The following STAC variants were observed in gnomAD, a reference collection of about 807,000 sequenced individuals.
STAC encodes SH3 and cysteine rich domain.
STAC carries 43 observed loss-of-function variants against 48.8 expected under a neutral mutation model. The observed-to-expected ratio is 0.88, with a 90% CI of 0.69 to 1.14. The LOEUF (loss-of-function observed/expected upper bound fraction) is 1.14, where lower values mean the gene tolerates loss of function less well. Among genes scored for constraint, STAC ranks in the 50% most tolerant of loss-of-function variants. STAC has a pLI of 0.00. For synonymous variants in STAC, 193 were observed against 179.5 expected (o/e 1.07, Z -0.60); for missense variants, 497 against 504.0 (o/e 0.99, Z 0.13).
At chr3:36,411,936 C>CA (rs1356848866) in intron 1 of STAC, among the ~76,000 whole-genome samples, 1 of 152,046 alleles carries the variant, frequency 6.6e-6, no homozygotes, top group African/African-American at 2.4e-5. Context: ...TTGGATTTAT[C>CA]AAAAATCTAC....
Position 36,444,195 on chromosome 3 carries a change from C to T in STAC, c.388+555C>T, listed in dbSNP as rs17035066. Among the ~76,000 whole-genome samples the T allele has an allele frequency of 9.2e-3, 1,393 of 152,234 alleles. 25 individuals are homozygous for T. The highest frequency in any genetic ancestry group is 0.03 in the African/African-American group (1,265 of 41,528). On this transcript the variant is annotated intron_variant, in intron 2 of 10. Coordinates refer to ENST00000273183, the MANE Select transcript of STAC (RefSeq NM_003149.3). Reference sequence around the variant, plus strand: ...AGGCTTGTTCTTGTTTTCAGAAAACCTTTATGTACTCATGTTCTCATGGTC... The same window carrying T: ...AGGCTTGTTCTTGTTTTCAGAAAACTTTTATGTACTCATGTTCTCATGGTC...
chr3:36,522,431 C>A (rs1239392351), intron 8 of STAC, among the ~76,000 whole-genome samples: 1 of 152,142 alleles, frequency 6.6e-6, no homozygotes, highest in Non-Finnish European at 1.5e-5. Context: ...ATTTAGTCCT[C>A]AAAAAATATT....
At chr3:36,468,052 T>C (rs1174154256) in intron 2 of STAC, among the ~76,000 whole-genome samples, 1 of 152,150 alleles carries the variant, frequency 6.6e-6, no homozygotes, top group Admixed American at 6.5e-5. Context: ...GTGTCACTAT[T>C]GTCATTAAGT....
At chr3:36,427,240 C>T (rs1161477896) in intron 1 of STAC, among the ~76,000 whole-genome samples, 1 of 152,198 alleles carries the variant, frequency 6.6e-6, no homozygotes, top group Non-Finnish European at 1.5e-5. Context: ...ATTGTGACTC[C>T]ATGAAGAACA....
At chr3:36,447,068 C>T (rs1031225425) in intron 2 of STAC, among the ~76,000 whole-genome samples, 6 of 152,112 alleles carry the variant, frequency 3.9e-5, no homozygotes, top group Admixed American at 1.3e-4. Flanking sequence ...GAGAGGCAGG[C>T]TAAGTAGCTA....
chr3:36,505,853 G>GAA lies in STAC; in HGVS notation c.920+26_920+27dup. On this transcript the variant is annotated intron_variant, in intron 8 of 10. Transcript: ENST00000273183. The stretch of plus-strand genomic sequence containing the variant: ...AAATGAGGTAAAAACCTTCTGTAAA[G>GAA]AAAAAAAAGAGTAAAATTTTAAAGT... The GAA allele has an allele frequency of 6.6e-7, 1 of 1,523,436 alleles. No individual in the cohort carries two copies. Among genetic ancestry groups the GAA allele is most frequent in the South Asian group, 1.2e-5 (1 of 83,072 alleles). The allele number at this position is 1,523,436 out of a possible 1,614,324, so 94.4% of individuals were successfully genotyped here. A position where few individuals can be genotyped will look rare whatever the true frequency, so the allele number is the denominator to read the frequency against.
At chr3:36,471,682 T>C (rs1192286863) in intron 2 of STAC, among the ~76,000 whole-genome samples, 1 of 152,174 alleles carries the variant, frequency 6.6e-6, no homozygotes, top group Non-Finnish European at 1.5e-5. Context: ...TCAGTGGGGC[T>C]GTCAAATTTT....
intron 10 of STAC, among the ~76,000 whole-genome samples, chr3:36,538,934 T>C (rs747985956): frequency 3.3e-5 from 5 of 152,192 alleles, no homozygotes; most frequent in Non-Finnish European, 5.9e-5. Flanking sequence ...TGCCTCTTTC[T>C]CCAGGAGCTT....
chr3:36,443,607 A>G lies in STAC; in HGVS notation c.355A>G (p.Thr119Ala). Reference protein sequence around the residue: ...AFQEYIFKKPTFCDVCNHMIV... With the variant: ...AFQEYIFKKPAFCDVCNHMIV... ...TCAGGAATACATCTTCAAGAAGCCC[A>G]CTTTCTGTGATGTCTGCAACCACAT... The change falls in exon 2 of 11, where the codon ACT (threonine) becomes GCT (alanine). Residue 119 changes from threonine to alanine, a missense_variant. By Grantham distance (58) the Thr-to-Ala change is moderately conservative. Transcript: ENST00000273183. This position sits in a 1 kb window ranked among gnomAD's most constrained non-coding sequence, Gnocchi z 4.2. 6.2e-7 allele frequency: 1 copy of G among 1,613,566 alleles called. No homozygotes were observed. The highest frequency in any genetic ancestry group is 1.1e-5 in the South Asian group (1 of 91,082).
rs1054370291 is a variant in STAC at position 36,461,633 on chromosome 3, G to A, written c.388+17993G>A. 3.9e-5 allele frequency among the ~76,000 whole-genome samples: 6 copies of A among 152,146 alleles called. No homozygotes were observed. In the East Asian group the frequency reaches 5.8e-4, roughly 15 times the overall value. ...AAGAGAAAGAAGTGCAGAGGCAGGG[G>A]GCAGGTTGCAGTATCACATGAGGTG... On this transcript the variant is annotated intron_variant, in intron 2 of 10. Coordinates refer to ENST00000273183, the MANE Select transcript of STAC (RefSeq NM_003149.3).
intron 8 of STAC, among the ~76,000 whole-genome samples, chr3:36,526,154 G>A (rs183673791): frequency 1.3e-5 from 2 of 152,120 alleles, no homozygotes; most frequent in African/African-American, 4.8e-5. Context: ...CTATAGAAGG[G>A]GGAGCACATT....
At chr3:36,420,885 T>A (rs543823076) in intron 1 of STAC, among the ~76,000 whole-genome samples, 1 of 152,370 alleles carries the variant, frequency 6.6e-6, no homozygotes, top group Non-Finnish European at 1.5e-5. Context: ...AACTCAGCCA[T>A]GTTTAAATTA....
chr3:36,519,872 T>A (rs1239556377), intron 8 of STAC, among the ~76,000 whole-genome samples: 1 of 152,172 alleles, frequency 6.6e-6, no homozygotes, highest in Non-Finnish European at 1.5e-5. Flanking sequence ...TACAAATAGA[T>A]GCAAAACCAG....
intron 2 of STAC, among the ~76,000 whole-genome samples, chr3:36,476,979 G>T (rs1697510375): frequency 6.6e-6 from 1 of 152,132 alleles, no homozygotes; most frequent in Non-Finnish European, 1.5e-5. Context: ...GAAAAGCAGA[G>T]GCCTAGAAAT....
At chr3:36,515,958 A>C (rs1698660917) in intron 8 of STAC, among the ~76,000 whole-genome samples, 1 of 145,970 alleles carries the variant, frequency 6.9e-6, no homozygotes, top group Non-Finnish European at 1.5e-5. Context: ...CAAGCTTAAC[A>C]GTTTTTCATT....
chr3:36,539,919 A>G (rs187682087), intron 10 of STAC, among the ~76,000 whole-genome samples: 2 of 152,338 alleles, frequency 1.3e-5, no homozygotes, highest in Admixed American at 1.3e-4. Flanking sequence ...GGAATATGTT[A>G]CTTTATATGA....
At chr3:36,510,389 AGT>A (rs1343337796) in intron 8 of STAC, among the ~76,000 whole-genome samples, 3 of 152,224 alleles carry the variant, frequency 2.0e-5, no homozygotes, top group Admixed American at 2.0e-4. Context: ...TGTGGAAAAC[AGT>A]GTGGTGATTC....
chr3:36,433,441 T>C (rs1301319168), intron 1 of STAC, among the ~76,000 whole-genome samples: 2 of 152,242 alleles, frequency 1.3e-5, no homozygotes, highest in Non-Finnish European at 2.9e-5. Context: ...TTGAATTATA[T>C]GTTTTAACAT....
chr3:36,509,173 T>C (rs879748934), intron 8 of STAC, among the ~76,000 whole-genome samples: 1 of 152,230 alleles, frequency 6.6e-6, no homozygotes, highest in Non-Finnish European at 1.5e-5. Flanking sequence ...CCTTCACTTA[T>C]GAAGTTTAGT....
Sources: allele counts gnomAD v4.1 joint callset (sites outside exome capture counted in the v4.1 genomes callset), GRCh38; gene constraint gnomAD v4.1.1; non-coding constraint Gnocchi (gnomAD v3.1); transcripts MANE v1.5; gene names NCBI Gene and HGNC (gene_info 2026-07-23, HGNC 2026-07-21).